Variants in RRAS2 observed in about 807,000 individuals in gnomAD.
RRAS2 encodes ras-related protein R-Ras2.
A neutral mutation model predicts 27.6 loss-of-function variants in RRAS2; 7 were observed. The observed-to-expected ratio is 0.25, with a 90% CI of 0.14 to 0.48. The LOEUF is 0.48. Ranked by LOEUF, RRAS2 falls within the 20% of genes least tolerant of loss-of-function variation. RRAS2 has a pLI of 0.99. For synonymous variants in RRAS2, 86 were observed against 90.9 expected (o/e 0.95, Z 0.31); for missense variants, 178 against 256.2 (o/e 0.69, Z 2.08).
intron 4 of RRAS2, among the ~76,000 whole-genome samples, chr11:14,283,355 G>C: frequency 6.6e-6 from 1 of 152,098 alleles, no homozygotes; most frequent in East Asian, 1.9e-4. Flanking sequence ...GTTCATGAGA[G>C]ATATTGGACT....
chr11:14,354,756 G>A (rs1388846024), intron 1 of RRAS2, among the ~76,000 whole-genome samples: 3 of 141,568 alleles, frequency 2.1e-5, no homozygotes, highest in Non-Finnish European at 3.0e-5. Flanking sequence ...GACTCACTGC[G>A]ACCTCCACCT....
intron 1 of RRAS2, among the ~76,000 whole-genome samples, chr11:14,329,023 A>G (rs202240257): frequency 1.6e-5 from 2 of 125,914 alleles, no homozygotes; most frequent in Middle Eastern, 4.2e-3. Flanking sequence ...ATATATATAT[A>G]TATATACACA....
chr11:14,359,134 CCGCAGCGCCTGCCGAA>C lies in RRAS2; in HGVS notation c.-280_-265del. 9.6e-7 allele frequency: 1 copy of C among 1,037,370 alleles called. No homozygotes were observed. Among genetic ancestry groups the C allele is most frequent in the Non-Finnish European group, 1.2e-6 (1 of 864,518 alleles). The allele number at this position is 1,037,370 out of a possible 1,614,324, so 64.3% of individuals were successfully genotyped here. ...GGGGGGCGCGCTCCTCTACGCGTCTCCGCAGCGCCTGCCGAACGCAGCCTCCAGCGCCGCCACAAAT... is the reference window on the plus strand; with the variant it reads ...GGGGGGCGCGCTCCTCTACGCGTCTCCGCAGCCTCCAGCGCCGCCACAAAT... On this transcript the variant is annotated 5_prime_UTR_variant, in exon 1 of 6. Transcript: ENST00000256196.
intron 1 of RRAS2, among the ~76,000 whole-genome samples, chr11:14,331,881 A>C (rs1202695940): frequency 6.6e-6 from 1 of 152,202 alleles, no homozygotes; most frequent in Non-Finnish European, 1.5e-5. Context: ...CAAAAGAGAC[A>C]AAAGACATAC....
intron 1 of RRAS2, among the ~76,000 whole-genome samples, chr11:14,328,674 T>C (rs1216519002): frequency 6.6e-6 from 1 of 151,950 alleles, no homozygotes; most frequent in African/African-American, 2.4e-5. Flanking sequence ...ACCAATTTTT[T>C]TTTTTTTCAA....
intron 1 of RRAS2, among the ~76,000 whole-genome samples, chr11:14,304,940 C>T (rs1346166859): frequency 6.6e-6 from 1 of 152,128 alleles, no homozygotes; most frequent in Non-Finnish European, 1.5e-5. Flanking sequence ...TGAAGTATAG[C>T]TTTTGACTGA....
At chr11:14,313,166 T>A (rs1554949073) in intron 1 of RRAS2, among the ~76,000 whole-genome samples, 2 of 152,226 alleles carry the variant, frequency 1.3e-5, no homozygotes, top group African/African-American at 4.8e-5. Flanking sequence ...AATACCCAAG[T>A]ACGTAGGTTT....
intron 1 of RRAS2, among the ~76,000 whole-genome samples, chr11:14,300,711 G>A (rs544891712): frequency 4.6e-5 from 7 of 152,174 alleles, no homozygotes; most frequent in East Asian, 1.9e-4. Flanking sequence ...ACAGGAGCTC[G>A]GGCTGGCCTC....
intron 4 of RRAS2, among the ~76,000 whole-genome samples, chr11:14,288,683 A>C (rs536304074): frequency 6.6e-6 from 1 of 152,220 alleles, no homozygotes; most frequent in Non-Finnish European, 1.5e-5. Flanking sequence ...TGATGCAACA[A>C]ATTCACAGAA....
At chr11:14,291,910 G>T (rs551627702) in intron 4 of RRAS2, among the ~76,000 whole-genome samples, 5 of 152,228 alleles carry the variant, frequency 3.3e-5, no homozygotes, top group Admixed American at 1.3e-4. Context: ...TATACATAAT[G>T]ATGTTTCTTG....
At chr11:14,280,726 C>CAAAAAAAAAAAAA (rs58781581) in intron 5 of RRAS2, among the ~76,000 whole-genome samples, 7 of 48,330 alleles carry the variant, frequency 1.4e-4, no homozygotes, top group Admixed American at 3.3e-4. Flanking sequence ...ACTCTGTTTC[C>CAAAAAAAAAAAAA]AAAAAAAAAA....
intron 1 of RRAS2, among the ~76,000 whole-genome samples, chr11:14,297,929 C>A (rs1420503862): frequency 1.3e-5 from 2 of 150,578 alleles, no homozygotes; most frequent in Non-Finnish European, 1.5e-5. Flanking sequence ...AGTAGGAAGC[C>A]ATCTCCTCCA....
At chr11:14,359,494 A>T (rs1849160295), upstream of RRAS2, among the ~76,000 whole-genome samples, 1 of 152,210 alleles carries the variant, frequency 6.6e-6, no homozygotes, top group Non-Finnish European at 1.5e-5. Context: ...ATTTTATAGG[A>T]GAGTACATAC....
chr11:14,316,106 C>A (rs1470020053), intron 1 of RRAS2, among the ~76,000 whole-genome samples: 5 of 152,194 alleles, frequency 3.3e-5, no homozygotes, highest in Non-Finnish European at 4.4e-5. Flanking sequence ...TTTGGTCCTT[C>A]TTCCACCATC....
chr11:14,312,718 G>A (rs1554949025), intron 1 of RRAS2, among the ~76,000 whole-genome samples: 1 of 152,232 alleles, frequency 6.6e-6, no homozygotes, highest in African/African-American at 2.4e-5. Context: ...ACTGCACCCA[G>A]CCAGTTCTGG....
Position 14,358,202 on chromosome 11 carries a change from C to T in RRAS2, c.108+561G>A. 1 of 984,602 alleles carries T rather than the reference C, an allele frequency of 1.0e-6. No homozygotes were observed. Among genetic ancestry groups the T allele is most frequent in the Non-Finnish European group, 1.2e-6 (1 of 829,108 alleles). The allele number at this position is 984,602 out of a possible 1,614,324, so 61.0% of individuals were successfully genotyped here. A position where few individuals can be genotyped will look rare whatever the true frequency, so the allele number is the denominator to read the frequency against. ...ACACACTCCCACCCGGACATATTAC[C>T]TAAGAGAGTACTTATAAAAAGAGCG... On this transcript the variant is annotated intron_variant, in intron 1 of 5. Coordinates refer to ENST00000256196, the MANE Select transcript of RRAS2 (RefSeq NM_012250.6). The surrounding 1 kb of genome is among the most constrained non-coding windows in gnomAD (Gnocchi z 5.1).
rs529060711 is a variant in RRAS2 at position 14,288,208 on chromosome 11, G to C, written c.408+6263C>G. 1.5e-4 allele frequency among the ~76,000 whole-genome samples: 23 copies of C among 152,208 alleles called. No individual in the cohort carries two copies. The South Asian group carries it at 4.6e-3, about 30-fold the overall frequency. On this transcript the variant is annotated intron_variant, in intron 4 of 5. Coordinates refer to ENST00000256196, the MANE Select transcript of RRAS2 (RefSeq NM_012250.6). ...TGTCCAGGCTGGTCTTGAACTTCTG[G>C]GCTCAAGGGATCTGCCTGCCTTGGC...
At chr11:14,355,484 A>G (rs1411495015) in intron 1 of RRAS2, among the ~76,000 whole-genome samples, 1 of 152,234 alleles carries the variant, frequency 6.6e-6, no homozygotes. Flanking sequence ...TAAATAACAT[A>G]ATACTTTACA....
intron 1 of RRAS2, among the ~76,000 whole-genome samples, chr11:14,357,147 CTTAA>C (rs1181909203): frequency 5.9e-5 from 9 of 152,072 alleles, no homozygotes; most frequent in Admixed American, 2.0e-4. Flanking sequence ...GGCCCAACAC[CTTAA>C]TTAATTAACA....
Sources: gnomAD v4.1 joint callset for allele counts (sites outside exome capture counted in the v4.1 genomes callset) on GRCh38, gnomAD v4.1.1 for gene constraint, Gnocchi (gnomAD v3.1) non-coding constraint, MANE v1.5 for transcripts, NCBI Gene and HGNC (gene_info 2026-07-23, HGNC 2026-07-21) for gene names.